TP63: variants seen among roughly 807,000 people sequenced by gnomAD.
TP63 encodes the protein tumor protein p63, also known as tumor protein 63.
Under a neutral mutation model 82.8 loss-of-function variants are expected in TP63, and 17 were observed. The ratio of observed to expected loss-of-function variants is 0.21; its 90% CI spans 0.14 to 0.31. The LOEUF is 0.31. Among genes scored for constraint, TP63 ranks in the 10% least tolerant of loss-of-function variants. The pLI is 1.00. For missense variants in TP63, 648 were observed against 895.3 expected (o/e 0.72, Z 3.52); for synonymous variants, 330 against 321.7 (o/e 1.03, Z -0.28).
At chr3:189,778,304 C>T (rs1723975617) in intron 3 of TP63, among the ~76,000 whole-genome samples, 1 of 152,218 alleles carries the variant, frequency 6.6e-6, no homozygotes, top group Non-Finnish European at 1.5e-5. Flanking sequence ...CTCTAACACA[C>T]TTCTAGTATT....
At chr3:189,716,915 C>G (rs1339692947) in intron 1 of TP63, among the ~76,000 whole-genome samples, 2 of 152,158 alleles carry the variant, frequency 1.3e-5, no homozygotes, top group East Asian at 3.9e-4. Context: ...TCTCCTGTCT[C>G]AGCCTCCCAA....
intron 3 of TP63, among the ~76,000 whole-genome samples, chr3:189,806,858 A>T (rs1279554729): frequency 6.6e-6 from 1 of 152,198 alleles, no homozygotes; most frequent in African/African-American, 2.4e-5. Flanking sequence ...GGAATGGCAA[A>T]GCCCACTTCT....
intron 1 of TP63, among the ~76,000 whole-genome samples, chr3:189,719,604 GTC>G (rs1479093561): frequency 7.2e-5 from 11 of 152,162 alleles, no homozygotes; most frequent in African/African-American, 2.4e-4. Context: ...AGGCCATGCG[GTC>G]TCTGTCACAG....
intron 1 of TP63, among the ~76,000 whole-genome samples, chr3:189,700,858 G>T (rs1298618019): frequency 6.6e-6 from 1 of 151,902 alleles, no homozygotes; most frequent in Admixed American, 6.6e-5. Context: ...GGGATGGGAT[G>T]GTAATAATCA....
At chr3:189,698,957 A>T (rs1717599901) in intron 1 of TP63, among the ~76,000 whole-genome samples, 1 of 152,204 alleles carries the variant, frequency 6.6e-6, no homozygotes, top group East Asian at 1.9e-4. Flanking sequence ...AATAACAGAC[A>T]TGAATGCAAG....
intron 1 of TP63, among the ~76,000 whole-genome samples, chr3:189,656,588 A>C (rs1713384831): frequency 6.6e-6 from 1 of 152,158 alleles, no homozygotes; most frequent in Non-Finnish European, 1.5e-5. Context: ...ATAATAAAAA[A>C]CAAAAGCTCA....
intron 3 of TP63, among the ~76,000 whole-genome samples, chr3:189,771,320 A>G (rs1288431960): frequency 7.3e-6 from 1 of 137,564 alleles, no homozygotes; most frequent in Non-Finnish European, 1.5e-5. Context: ...AATATATTAT[A>G]TATTTATATA....
At chr3:189,623,222 TC>T in the TP63 span, among the ~76,000 whole-genome samples, 1 of 152,164 alleles carries the variant, frequency 6.6e-6, no homozygotes, top group African/African-American at 2.4e-5. Flanking sequence ...TTCCTGATGA[TC>T]AGTACCAAAT....
chr3:189,673,130 C>T (rs972208998), intron 1 of TP63, among the ~76,000 whole-genome samples: 8 of 152,154 alleles, frequency 5.3e-5, no homozygotes, highest in African/African-American at 1.9e-4. Context: ...TGAGCCATAG[C>T]ACCCAGCCTA....
intron 1 of TP63, among the ~76,000 whole-genome samples, chr3:189,730,794 G>T (rs879471350): frequency 1.3e-5 from 2 of 152,156 alleles, no homozygotes; most frequent in Admixed American, 1.3e-4. Context: ...CCCTGTCAAG[G>T]AGGCCTTTGA....
Position 189,817,843 on chromosome 3 carries a change from A to G in TP63, c.579+9317A>G, listed in dbSNP as rs574843454. 1.4e-4 allele frequency among the ~76,000 whole-genome samples: 22 copies of G among 152,068 alleles called. No homozygotes were observed. The South Asian group carries it at 4.3e-3, about 30-fold the overall frequency. On this transcript the variant is annotated intron_variant, in intron 4 of 13. Coordinates refer to ENST00000264731, the MANE Select transcript of TP63 (RefSeq NM_003722.5). The stretch of plus-strand genomic sequence containing the variant: ...AAAGCATTTCAGTGTTTTATTCGTA[A>G]CATTTTTGCAGAACCAGTAAAAAGT...
At chr3:189,677,702 A>G (rs1319807113) in intron 1 of TP63, among the ~76,000 whole-genome samples, 1 of 152,086 alleles carries the variant, frequency 6.6e-6, no homozygotes, top group Non-Finnish European at 1.5e-5. Flanking sequence ...GCACTAATTT[A>G]TATTCCCACC....
intron 3 of TP63, among the ~76,000 whole-genome samples, chr3:189,790,558 T>G (rs1515497): frequency 6.6e-6 from 1 of 151,854 alleles, no homozygotes; most frequent in Non-Finnish European, 1.5e-5. Context: ...AAGTTTGTCT[T>G]AGGTATTTAA....
intron 3 of TP63, among the ~76,000 whole-genome samples, chr3:189,749,410 G>A (rs1209050235): frequency 6.6e-6 from 1 of 152,054 alleles, no homozygotes; most frequent in Non-Finnish European, 1.5e-5. Context: ...TTCAAAAAAA[G>A]ATGTAAAAAT....
chr3:189,670,993 C>A (rs934310907), intron 1 of TP63, among the ~76,000 whole-genome samples: 5 of 151,996 alleles, frequency 3.3e-5, no homozygotes, highest in African/African-American at 1.2e-4. Flanking sequence ...ATAGGTGAGA[C>A]TTCAAAAGCA....
chr3:189,722,015 G>C (rs906995543), intron 1 of TP63, among the ~76,000 whole-genome samples: 1 of 152,188 alleles, frequency 6.6e-6, no homozygotes, highest in Non-Finnish European at 1.5e-5. Flanking sequence ...TAGAGAAGTA[G>C]GAAGGATGGA....
the TP63 span, among the ~76,000 whole-genome samples, chr3:189,614,268 T>C: frequency 6.6e-6 from 1 of 152,200 alleles, no homozygotes; most frequent in South Asian, 2.1e-4. Flanking sequence ...TGAGTAAGTC[T>C]CACGAGATCT....
intron 3 of TP63, among the ~76,000 whole-genome samples, chr3:189,789,125 G>A (rs150624110): frequency 9.2e-5 from 14 of 152,044 alleles, no homozygotes; most frequent in African/African-American, 3.4e-4. Flanking sequence ...GCATTTCTCT[G>A]GGGAAAATAA....
At chr3:189,764,419 A>C (rs1424104619) in intron 3 of TP63, among the ~76,000 whole-genome samples, 2 of 152,182 alleles carry the variant, frequency 1.3e-5, no homozygotes, top group East Asian at 3.9e-4. Flanking sequence ...TGTCTTCATC[A>C]GGTAAAAGGT....
Sources: gnomAD v4.1 joint callset for allele counts (sites outside exome capture counted in the v4.1 genomes callset) on GRCh38, gnomAD v4.1.1 for gene constraint, MANE v1.5 for transcripts, NCBI Gene and HGNC (gene_info 2026-07-23, HGNC 2026-07-21) for gene names.